The following DIAPH3 variants were observed in gnomAD, a reference collection of about 807,000 sequenced individuals.
DIAPH3 encodes the protein protein diaphanous homolog 3.
Under a neutral mutation model 144.3 loss-of-function variants are expected in DIAPH3, and 117 were observed. The observed-to-expected ratio is 0.81, with a 90% CI of 0.70 to 0.95. DIAPH3 has a LOEUF of 0.95. Among genes scored for constraint, DIAPH3 ranks in the 40% least tolerant of loss-of-function variants. The probability of loss-of-function intolerance (pLI) is 0.00; values close to 1 mark genes in which losing one functional copy is unlikely to be tolerated. For missense variants in DIAPH3, 1,421 were observed against 1,412.7 expected (o/e 1.01, Z -0.09); for synonymous variants, 519 against 488.9 (o/e 1.06, Z -0.81).
At chr13:59,790,726 T>G (rs147060973) in intron 25 of DIAPH3, among the ~76,000 whole-genome samples, 1 of 152,138 alleles carries the variant, frequency 6.6e-6, no homozygotes, top group African/African-American at 2.4e-5. Context: ...AGAAAAAGAA[T>G]TGACATATGC....
At chr13:59,734,056 A>T (rs2036021471) in intron 27 of DIAPH3, among the ~76,000 whole-genome samples, 1 of 152,266 alleles carries the variant, frequency 6.6e-6, no homozygotes, top group African/African-American at 2.4e-5. Flanking sequence ...GCATGATATC[A>T]TCAGGAATTC....
At chr13:59,801,650 T>C (rs796261243) in intron 25 of DIAPH3, among the ~76,000 whole-genome samples, 60 of 152,352 alleles carry the variant, frequency 3.9e-4, no homozygotes, top group African/African-American at 1.4e-3. Context: ...GTTACTATGC[T>C]AGTCTGTCAT....
At chr13:59,813,169 A>G (rs561518383) in intron 24 of DIAPH3, among the ~76,000 whole-genome samples, 207 of 151,796 alleles carry the variant, frequency 1.4e-3, no homozygotes, top group Non-Finnish European at 2.6e-3. Context: ...TAATCTGGCT[A>G]TTGCTATTGT....
chr13:59,945,601 C>T (rs1299466895), intron 17 of DIAPH3, among the ~76,000 whole-genome samples: 2 of 150,032 alleles, frequency 1.3e-5, no homozygotes, highest in Non-Finnish European at 3.0e-5. Flanking sequence ...ACTTGTATAT[C>T]CAATTTCACT....
rs771970114 is a variant in DIAPH3, at chr13:59,924,778, G to C, written c.2167C>G (p.Leu723Val). The change falls in exon 18 of 28, where the codon CTT becomes GTT. Residue 723 changes from leucine to valine, a missense_variant. By Grantham distance (32) the Leu-to-Val change is conservative. Coordinates refer to ENST00000400324, the MANE Select transcript of DIAPH3 (RefSeq NM_001042517.2). ...KFLDSKIAQN[L>V]SIFLSSFRVP... ...GGTATTGGAATATGATACTTACAAA[G>C]GTTCTGGGCAATTTTAGAATCTAAA... 10 of 1,600,592 alleles carry C rather than the reference G, an allele frequency of 6.2e-6. No homozygotes were observed. In the African/African-American group the frequency reaches 1.3e-4, roughly 21 times the overall value.
intron 14 of DIAPH3, among the ~76,000 whole-genome samples, chr13:59,976,753 A>T (rs1443947459): frequency 6.6e-6 from 1 of 151,614 alleles, no homozygotes; most frequent in Non-Finnish European, 1.5e-5. Flanking sequence ...ATCACCATGC[A>T]TACACTGATG....
chr13:60,061,484 G>A (rs555124632), intron 4 of DIAPH3, among the ~76,000 whole-genome samples: 13 of 151,868 alleles, frequency 8.6e-5, no homozygotes, highest in African/African-American at 2.4e-4. Context: ...AGACAAAGAG[G>A]CACGTTCAGG....
chr13:60,011,941 CAGA>C (rs1255043991), intron 7 of DIAPH3, among the ~76,000 whole-genome samples: 1 of 151,760 alleles, frequency 6.6e-6, no homozygotes, highest in Non-Finnish European at 1.5e-5. Flanking sequence ...TGTCAAAATA[CAGA>C]AGATGAATAG....
chr13:59,970,501 A>C (rs2050301626), intron 16 of DIAPH3, among the ~76,000 whole-genome samples: 1 of 152,138 alleles, frequency 6.6e-6, no homozygotes. Flanking sequence ...CAATAGAGAA[A>C]ATTTCCTAAG....
chr13:59,712,974 C>T (rs925759850), intron 27 of DIAPH3, among the ~76,000 whole-genome samples: 3 of 152,106 alleles, frequency 2.0e-5, no homozygotes, highest in Non-Finnish European at 4.4e-5. Context: ...ATCTCGCATG[C>T]GCAGTTCACA....
chr13:59,723,777 AT>A (rs370600420), intron 27 of DIAPH3, among the ~76,000 whole-genome samples: 6 of 148,954 alleles, frequency 4.0e-5, no homozygotes, highest in African/African-American at 1.2e-4. Context: ...CACCCAGCTA[AT>A]TTTTTTTTGT....
chr13:60,111,646 C>T (rs1250030544), intron 3 of DIAPH3, among the ~76,000 whole-genome samples: 5 of 152,140 alleles, frequency 3.3e-5, no homozygotes. Flanking sequence ...AGTTTCATTC[C>T]AAAATCATCT....
intron 20 of DIAPH3, among the ~76,000 whole-genome samples, chr13:59,891,873 A>G (rs977526593): frequency 6.6e-6 from 1 of 152,056 alleles, no homozygotes; most frequent in Non-Finnish European, 1.5e-5. Context: ...TGCCTAATCT[A>G]TGTGATGGTA....
chr13:59,847,772 T>C (rs1328457662), intron 22 of DIAPH3, among the ~76,000 whole-genome samples: 2 of 152,200 alleles, frequency 1.3e-5, no homozygotes, highest in South Asian at 2.1e-4. Context: ...CTTGCTGCTA[T>C]TGGAGACCAG....
At chr13:59,877,213 G>A (rs1257824010) in intron 21 of DIAPH3, among the ~76,000 whole-genome samples, 2 of 152,074 alleles carry the variant, frequency 1.3e-5, no homozygotes. Context: ...TCTCTTTTGA[G>A]CAACCACTTC....
chr13:60,008,421 T>C, intron 9 of DIAPH3, 123 bp downstream of exon 9: 1 of 667,066 alleles, frequency 1.5e-6, no homozygotes, highest in Non-Finnish European at 2.6e-6. Flanking sequence ...TAAATAATGC[T>C]ATAAAAGAAT....
At chr13:59,975,730 A>C (rs1026399692) in intron 14 of DIAPH3, among the ~76,000 whole-genome samples, 3 of 152,058 alleles carry the variant, frequency 2.0e-5, no homozygotes, top group Non-Finnish European at 4.4e-5. Flanking sequence ...CAGGGAAGGA[A>C]GGTAAATTTC....
chr13:60,062,765 C>T (rs2056821682), intron 4 of DIAPH3, among the ~76,000 whole-genome samples: 1 of 152,152 alleles, frequency 6.6e-6, no homozygotes, highest in Non-Finnish European at 1.5e-5. Context: ...TATGTTTACA[C>T]TATATTGCAG....
intron 4 of DIAPH3, among the ~76,000 whole-genome samples, chr13:60,092,643 TC>T (rs1012462782): frequency 6.6e-6 from 1 of 151,046 alleles, no homozygotes; most frequent in Non-Finnish European, 1.5e-5. Flanking sequence ...AGAGTGAGAC[TC>T]CGTCTCAAAA....
Sources: allele counts gnomAD v4.1 joint callset (sites outside exome capture counted in the v4.1 genomes callset), GRCh38; gene constraint gnomAD v4.1.1; transcripts MANE v1.5; gene names NCBI Gene and HGNC (gene_info 2026-07-23, HGNC 2026-07-21).